Variants in PHTF1 observed in about 807,000 individuals in gnomAD.
The protein encoded by PHTF1 is protein PHTF1.
In PHTF1, 88 loss-of-function variants were observed where a neutral mutation model predicts 102.4. That is an observed-to-expected ratio of 0.86 (90% confidence interval 0.72 to 1.03). PHTF1 has a LOEUF of 1.03. Among genes scored for constraint, PHTF1 ranks in the 50% least tolerant of loss-of-function variants. The pLI, the probability that PHTF1 is intolerant of heterozygous loss-of-function variation, is 0.00. For missense variants in PHTF1, 814 were observed against 909.5 expected, an observed-to-expected ratio of 0.89 and a Z score of 1.35; for synonymous variants, 289 against 305.2, an observed-to-expected ratio of 0.95 and a Z score of 0.55.
intron 5 of PHTF1, among the ~76,000 whole-genome samples, chr1:113,733,878 G>A (rs1422163662): frequency 2.6e-5 from 4 of 152,264 alleles, no homozygotes; most frequent in East Asian, 1.9e-4. Context: ...GGTAATGGGT[G>A]GAGACTAGAC....
At chr1:113,712,813 G>C (rs1160555548) in intron 8 of PHTF1, among the ~76,000 whole-genome samples, 2 of 145,492 alleles carry the variant, frequency 1.4e-5, no homozygotes, top group Non-Finnish European at 3.0e-5. Flanking sequence ...TTGAGACGGA[G>C]TCTCGCTGTG....
intron 3 of PHTF1, among the ~76,000 whole-genome samples, chr1:113,748,569 C>T (rs1432921374): frequency 6.6e-6 from 1 of 152,110 alleles, no homozygotes; most frequent in Non-Finnish European, 1.5e-5. Context: ...GGGTCCCACT[C>T]TGTCACCCAG....
intron 3 of PHTF1, among the ~76,000 whole-genome samples, chr1:113,752,699 T>C (rs1658282602): frequency 6.6e-6 from 1 of 152,196 alleles, no homozygotes; most frequent in Non-Finnish European, 1.5e-5. Context: ...TCATTTTTTA[T>C]ATATATTCTT....
intron 5 of PHTF1, among the ~76,000 whole-genome samples, chr1:113,732,240 G>A (rs1360481998): frequency 6.6e-6 from 1 of 152,240 alleles, no homozygotes; most frequent in Non-Finnish European, 1.5e-5. Flanking sequence ...GCTCAGGCCT[G>A]TAATCCCAGC....
intron 3 of PHTF1, among the ~76,000 whole-genome samples, chr1:113,750,700 A>T (rs1163181128): frequency 3.3e-5 from 5 of 151,962 alleles, no homozygotes. Flanking sequence ...TACCAAAAAT[A>T]CAAAAATTAG....
intron 5 of PHTF1, among the ~76,000 whole-genome samples, chr1:113,734,982 C>T (rs1227239048): frequency 1.3e-5 from 2 of 152,126 alleles, no homozygotes; most frequent in African/African-American, 4.8e-5. Flanking sequence ...TGATAAAACA[C>T]CCAGTCTATG....
intron 3 of PHTF1, among the ~76,000 whole-genome samples, chr1:113,745,459 C>T (rs1015084702): frequency 2.6e-5 from 4 of 152,138 alleles, no homozygotes; most frequent in Admixed American, 2.6e-4. Flanking sequence ...TATAAAGAGC[C>T]AGATGGCATT....
At chr1:113,715,718 C>A (rs1651909026) in intron 7 of PHTF1, among the ~76,000 whole-genome samples, 1 of 90,396 alleles carries the variant, frequency 1.1e-5, no homozygotes, top group South Asian at 3.7e-4. Flanking sequence ...CAAGAATACA[C>A]AGAAGGAATT....
intron 11 of PHTF1, 137 bp from the exon 12 acceptor site, chr1:113,706,859 T>C (rs1650287554): frequency 2.1e-5 from 12 of 569,576 alleles, no homozygotes; most frequent in African/African-American, 8.1e-5. Flanking sequence ...TTCTTTTTTT[T>C]TTTTTTTTTT....
chr1:113,741,645 C>T (rs759622189), intron 3 of PHTF1, among the ~76,000 whole-genome samples: 24 of 152,110 alleles, frequency 1.6e-4, no homozygotes, highest in Non-Finnish European at 3.5e-4. Flanking sequence ...TTATCCAAAG[C>T]TCCCTTAGCA....
intron 3 of PHTF1, among the ~76,000 whole-genome samples, chr1:113,743,143 T>G (rs1656683164): frequency 6.6e-6 from 1 of 152,248 alleles, no homozygotes; most frequent in Admixed American, 6.5e-5. Context: ...CTTAGCTTAC[T>G]GTAATGTTTT....
At position 113,705,898 on chromosome 1, in the gene PHTF1, A is replaced by G; in HGVS notation, c.1663T>C (p.Tyr555His). 6.2e-7 allele frequency: 1 copy of G among 1,613,614 alleles called. No homozygotes were observed. The highest frequency in any genetic ancestry group is 8.5e-7 in the Non-Finnish European group (1 of 1,179,818). ...CTTATTTCTCCACTGACCTGTTTAT[A>G]TGTTCTCTCTGCCACACACATCATG... is the stretch of plus-strand genomic sequence containing the variant. ...FFMMCVAERTYKQRFLFAKLF... is the reference protein window; with the variant it reads ...FFMMCVAERTHKQRFLFAKLF... The change falls in exon 13 of 19, where the codon TAT becomes CAT. Residue 555 changes from tyrosine (Y) to histidine (H), a missense_variant. Physicochemically the swap from Tyr to His is moderately conservative, Grantham distance 83 (BLOSUM62 2). Transcript: ENST00000369604.
rs533451513 is a variant in PHTF1 at position 113,700,749 on chromosome 1, C to T, written c.2046+45G>A. ...TCTGCAGGAACCTTACAGCGTATTA[C>T]GCTACCCCTAACCACTAAACCCAAT... is the stretch of plus-strand genomic sequence containing the variant. On this transcript the variant is annotated intron_variant, in intron 16 of 18. Transcript: ENST00000369604. 7.6e-5 allele frequency: 119 copies of T among 1,572,952 alleles called. 1 individual carries two copies. In the South Asian group the frequency reaches 1.2e-3, roughly 16 times the overall value.
rs564396641 is a variant in PHTF1 at position 113,742,350 on chromosome 1, G to A, written c.103-3551C>T. Among the ~76,000 whole-genome samples, 23 of 152,292 alleles carry A rather than the reference G, an allele frequency of 1.5e-4. No individual in the cohort carries two copies. The South Asian group carries it at 2.7e-3, about 18-fold the overall frequency. On this transcript the variant is annotated intron_variant, in intron 3 of 18. Transcript: ENST00000369604. Reference sequence around the variant, plus strand: ...TATGGTATAAAAAATGGGGCTGGGCGCGGTGGCTCACACTTGTAATCCCAG... The same window carrying A: ...TATGGTATAAAAAATGGGGCTGGGCACGGTGGCTCACACTTGTAATCCCAG...
chr1:113,735,431 T>C (rs889941210), intron 5 of PHTF1, among the ~76,000 whole-genome samples: 3 of 139,506 alleles, frequency 2.2e-5, no homozygotes, highest in African/African-American at 8.2e-5. Context: ...TAAATCCATA[T>C]GATAGACTCT....
At position 113,712,058 on chromosome 1, in the gene PHTF1, T is replaced by A. The variant is rs749001129; in HGVS notation, c.839A>T (p.Asp280Val). 12 of 1,614,050 alleles carry A rather than the reference T, an allele frequency of 7.4e-6. No individual in the cohort carries two copies. The highest frequency in any genetic ancestry group is 9.3e-6 in the Non-Finnish European group (11 of 1,179,948). The part of the protein sequence containing the change: ...GVSDDLSSEE[D>V]GEARTQMILL... ...TATCATCTGTGTCCGTGCTTCACCATCTTCTTCACTTGACAGGTCATCAGA... is the reference window on the plus strand; with the variant it reads ...TATCATCTGTGTCCGTGCTTCACCAACTTCTTCACTTGACAGGTCATCAGA... Residue 280 changes from aspartate (D) to valine (V), a missense_variant, in exon 9 of 19, where the codon GAT becomes GTT. By Grantham distance (152) the Asp-to-Val change is radical. Transcript: ENST00000369604.
chr1:113,740,442 T>C lies in PHTF1; in HGVS notation c.103-1643A>G, dbSNP rs535504542. ...AGTATTTGGATTTTTGCTATTGAGT[T>C]ATTTGAGTTCCTTATATATATTAAT... On this transcript the variant is annotated intron_variant, in intron 3 of 18. Transcript: ENST00000369604. 2.0e-5 allele frequency among the ~76,000 whole-genome samples: 3 copies of C among 152,326 alleles called. No individual in the cohort carries two copies. The East Asian group carries it at 5.8e-4, about 29-fold the overall frequency.
chr1:113,712,257 CT>C, intron 8 of PHTF1, 144 bp from the exon 9 acceptor site: 5 of 613,092 alleles, frequency 8.2e-6, no homozygotes, highest in Non-Finnish European at 5.8e-6. Context: ...CCATATATTA[CT>C]TAATCTCAAT....
Position 113,697,384 on chromosome 1 carries a change from C to A in PHTF1, c.*321G>T. ...GCATCTATCATAGTTGCCCAAAAGA[C>A]TATGTCCAGTAAACATAACTGTCAC... On this transcript the variant is annotated 3_prime_UTR_variant, in exon 19 of 19. Transcript: ENST00000369604. 1 of 230,668 alleles carries A rather than the reference C, an allele frequency of 4.3e-6. No homozygotes were observed. The highest frequency in any genetic ancestry group is 5.5e-5 in the Admixed American group (1 of 18,318). The allele number at this position is 230,668 out of a possible 1,614,324, so 14.3% of individuals were successfully genotyped here. A position where few individuals can be genotyped will look rare whatever the true frequency, so the allele number is the denominator to read the frequency against.
Sources: gnomAD v4.1 joint callset for allele counts (sites outside exome capture counted in the v4.1 genomes callset) on GRCh38, gnomAD v4.1.1 for gene constraint, MANE v1.5 for transcripts, NCBI Gene and HGNC (gene_info 2026-07-23, HGNC 2026-07-21) for gene names.